TOP2A: variants seen among roughly 807,000 people sequenced by gnomAD.
TOP2A encodes DNA topoisomerase II alpha.
TOP2A carries 68 observed loss-of-function variants against 187.2 expected under a neutral mutation model. That is an observed-to-expected ratio of 0.36 (90% CI 0.30 to 0.44). The LOEUF is 0.44. TOP2A is among the 20% of genes least tolerant of loss of function. The pLI is 1.00. For synonymous variants in TOP2A, 542 were observed against 593.2 expected, an observed-to-expected ratio of 0.91 and a Z score of 1.25; for missense variants, 1,196 against 1,808.7, an observed-to-expected ratio of 0.66 and a Z score of 6.14.
rs756295402 is a variant in TOP2A, at chr17:40,411,410, G to A, written c.1009C>T (p.Leu337Phe). ...TTCTTCTTCTTCACAACATCAACAA[G>A]TTTAGTCACAATCTGATCAGCTACA... is the stretch of plus-strand genomic sequence containing the variant. Reference protein sequence around the residue: ...DYVADQIVTKLVDVVKKKNKG... With the variant: ...DYVADQIVTKFVDVVKKKNKG... Residue 337 changes from leucine (L) to phenylalanine (F), a missense_variant, in exon 9 of 35, where the codon CTT becomes TTT. Physicochemically the swap from Leu to Phe is conservative, Grantham distance 22. Transcript: ENST00000423485. The surrounding 1 kb of genome is among the most constrained non-coding windows in gnomAD (Gnocchi z 4.4). 3.1e-6 allele frequency: 5 copies of A among 1,613,778 alleles called. No individual in the cohort carries two copies. The Admixed American group carries it at 8.3e-5, about 27-fold the overall frequency.
rs1253865638 is a variant in TOP2A, at chr17:40,389,481, C to T, written c.*38G>A. 6.4e-7 allele frequency: 1 copy of T among 1,559,378 alleles called. No homozygotes were observed. The highest frequency in any genetic ancestry group is 1.9e-5 in the Admixed American group (1 of 51,728). Reference sequence around the variant, plus strand: ...AGGTAACTTTAAAACCAGTCTTGGGCTTGGTAAGATAATTACTTAAAATAA... The same window carrying T: ...AGGTAACTTTAAAACCAGTCTTGGGTTTGGTAAGATAATTACTTAAAATAA... On this transcript the variant is annotated 3_prime_UTR_variant, in exon 35 of 35. Transcript: ENST00000423485.
Position 40,413,614 on chromosome 17 carries a change from A to G in TOP2A, c.344T>C (p.Leu115Ser). 1 of 1,374,026 alleles carries G rather than the reference A, an allele frequency of 7.3e-7. No homozygotes were observed. The highest frequency in any genetic ancestry group is 9.8e-7 in the Non-Finnish European group (1 of 1,017,644). 85.1% of individuals were successfully genotyped at this position (1,374,026 alleles called of 1,614,324 possible). A position where few individuals can be genotyped will look rare whatever the true frequency, so the allele number is the denominator to read the frequency against. Reference protein sequence around the residue: ...IRVTIDPENNLISIWNNGKGI... With the variant: ...IRVTIDPENNSISIWNNGKGI... ...TTTTCCATTATTCCATATACTAATT[A>G]AATTGTTTTCCCTAAGAAAAAAAGA... is the stretch of plus-strand genomic sequence containing the variant. Residue 115 changes from leucine to serine, a missense_variant, in exon 5 of 35, where the codon TTA becomes TCA. Transcript: ENST00000423485.
chr17:40,393,852 T>C (rs1767150522), intron 29 of TOP2A, among the ~76,000 whole-genome samples: 1 of 152,072 alleles, frequency 6.6e-6, no homozygotes, highest in Admixed American at 6.5e-5. Flanking sequence ...GGTCAGGAGT[T>C]TGAGACCATC....
At chr17:40,408,702 A>G in intron 10 of TOP2A, 72 bp from the exon 11 acceptor site, 1 of 1,426,810 alleles carries the variant, frequency 7.0e-7, no homozygotes, top group Non-Finnish European at 9.9e-7. Flanking sequence ...TAGAATACAA[A>G]TGAGCCTTAA....
In TOP2A at chr17:40,405,220, G is replaced by A. The variant is rs544547345; in HGVS notation, c.1954-337C>T. On this transcript the variant is annotated intron_variant, in intron 16 of 34. Transcript: ENST00000423485. The stretch of plus-strand genomic sequence containing the variant: ...TTGTGGAATGTGATGGCACGATTTC[G>A]GCTCCCACAACCTCCACTTCCCAAG... Among the ~76,000 whole-genome samples the A allele has an allele frequency of 7.3e-5, 11 of 150,634 alleles. No homozygotes were observed. The South Asian group carries it at 1.0e-3, about 14-fold the overall frequency.
chr17:40,404,994 T>TC (rs1164132626), intron 16 of TOP2A, 111 bp from the exon 17 acceptor site: 1 of 631,952 alleles, frequency 1.6e-6, no homozygotes, highest in East Asian at 3.2e-5. Context: ...GTTTTCCTTT[T>TC]TTTTTTTTTT....
chr17:40,404,004 G>C (rs1311028858), intron 19 of TOP2A, 148 bp downstream of exon 19: 1 of 1,002,034 alleles, frequency 1.0e-6, no homozygotes, highest in African/African-American at 1.6e-5. Flanking sequence ...GAAATCAAAG[G>C]GCAAGCAGTT....
At chr17:40,417,714 AGAGAGATGCCCGGGCCGCGCG>A in intron 1 of TOP2A, 36 bp downstream of exon 1, 1 of 1,609,560 alleles carries the variant, frequency 6.2e-7, no homozygotes, top group Non-Finnish European at 8.5e-7. Flanking sequence ...ACGGGCGGCC[AGAGAGATGCCCGGGCCGCGCG>A]GAGGCTCCAC....
intron 4 of TOP2A, 58 bp downstream of exon 4, chr17:40,415,947 A>C: frequency 8.2e-7 from 1 of 1,212,460 alleles, no homozygotes; most frequent in Middle Eastern, 1.9e-4. Flanking sequence ...AGTAATCAAA[A>C]TACATGCAGC....
At chr17:40,400,489 T>C (rs943783502) in intron 22 of TOP2A, 40 bp downstream of exon 22, 20 of 1,601,710 alleles carry the variant, frequency 1.2e-5, no homozygotes, top group Non-Finnish European at 1.7e-5. Context: ...AGGTATTTCT[T>C]TTGATCACAA....
Position 40,416,816 on chromosome 17 carries a change from T to A in TOP2A, c.101A>T (p.Tyr34Phe). Residue 34 changes from tyrosine (Y) to phenylalanine (F), a missense_variant, in exon 2 of 35, where the codon TAT (tyrosine) becomes TTT (phenylalanine). This residue lies in a region of TOP2A where 97 missense variants were observed against 171.0 expected (regional missense o/e 0.57). Coordinates refer to ENST00000423485, the MANE Select transcript of TOP2A (RefSeq NM_001067.4). Reference protein sequence around the residue: ...AKKRLSVERIYQKKTQLEHIL... With the variant: ...AKKRLSVERIFQKKTQLEHIL... ...ATGTTCCAATTGTGTTTTCTTTTGA[T>A]AGATTCTTTCAACAGACAGTCTTTT... 6.2e-7 allele frequency: 1 copy of A among 1,613,286 alleles called. No individual in the cohort carries two copies. Among genetic ancestry groups the A allele is most frequent in the South Asian group, 1.1e-5 (1 of 90,862 alleles).
At chr17:40,399,611 T>TGCAA (rs1219871662) in intron 24 of TOP2A, among the ~76,000 whole-genome samples, 1 of 152,200 alleles carries the variant, frequency 6.6e-6, no homozygotes, top group Non-Finnish European at 1.5e-5. Context: ...AATCAGTTTA[T>TGCAA]GCAAGGTCTT....
At position 40,413,195 on chromosome 17, in the gene TOP2A, C is replaced by G. The variant is rs1200411904; in HGVS notation, c.576G>C (p.Gln192His). ...AGGTACAAGACACTTATTTACTTGC[C>G]TGTTTGAACATTTTCTTGTATTCTC... is the stretch of plus-strand genomic sequence containing the variant. ...ASREYKKMFK[Q>H]TWMDNMGRAG... The change falls in exon 6 of 35, where the codon CAG (glutamine) becomes CAC (histidine). Residue 192 changes from glutamine (Q) to histidine (H), a missense_variant and splice_region_variant. Gln to His is a conservative substitution (Grantham distance 24). This residue lies in a region of TOP2A where 252 missense variants were observed against 434.8 expected (regional missense o/e 0.58). Transcript: ENST00000423485. 6.4e-7 allele frequency: 1 copy of G among 1,552,704 alleles called. No individual in the cohort carries two copies. The highest frequency in any genetic ancestry group is 1.4e-5 in the African/African-American group (1 of 73,446).
At chr17:40,401,710 A>T (rs2035182889) in intron 20 of TOP2A, among the ~76,000 whole-genome samples, 1 of 152,112 alleles carries the variant, frequency 6.6e-6, no homozygotes, top group South Asian at 2.1e-4. Flanking sequence ...ACTCCATCTC[A>T]AAAGAAAAAA....
At chr17:40,394,617 G>A (rs1404023292) in intron 29 of TOP2A, among the ~76,000 whole-genome samples, 1 of 152,218 alleles carries the variant, frequency 6.6e-6, no homozygotes, top group Non-Finnish European at 1.5e-5. Flanking sequence ...ACAGGCATAA[G>A]CCATGGCGCC....
chr17:40,399,956 G>A lies in TOP2A; in HGVS notation c.3112C>T (p.Leu1038=). 2 of 1,613,300 alleles carry A rather than the reference G, an allele frequency of 1.2e-6. No individual in the cohort carries two copies. The highest frequency in any genetic ancestry group is 1.7e-6 in the Non-Finnish European group (2 of 1,179,648). The change falls in exon 24 of 35, where the codon CTA becomes TTA. Residue 1038 remains leucine (L), a synonymous_variant. Coordinates refer to ENST00000423485, the MANE Select transcript of TOP2A (RefSeq NM_001067.4). ...GCAGATTCAGCACCAAGCATTCCTA[G>A]GAGCCATTCTTTTCTTAATCCATAA... is the stretch of plus-strand genomic sequence containing the variant. ...KYYGLRKEWL[L]GMLGAESAKL...
intron 29 of TOP2A, among the ~76,000 whole-genome samples, chr17:40,394,065 C>CA (rs34089833): frequency 0.056 from 6,098 of 108,562 alleles, 210 homozygotes; most frequent in African/African-American, 0.1. Context: ...AACTCTGCCT[C>CA]AAAAAAAAAA....
At chr17:40,415,759 C>T (rs2035382419) in intron 4 of TOP2A, among the ~76,000 whole-genome samples, 1 of 151,906 alleles carries the variant, frequency 6.6e-6, no homozygotes, top group African/African-American at 2.4e-5. Context: ...CCAGCCCAGG[C>T]AAAATAGCAA....
chr17:40,413,348 ATTTC>A (rs2035347299), intron 5 of TOP2A, 56 bp from the exon 6 acceptor site: 1 of 1,465,992 alleles, frequency 6.8e-7, no homozygotes, highest in Non-Finnish European at 9.3e-7. Flanking sequence ...TGACAGCTTT[ATTTC>A]TTAATCACTG....
Sources: allele counts gnomAD v4.1 joint callset (sites outside exome capture counted in the v4.1 genomes callset), GRCh38; gene constraint gnomAD v4.1.1; regional missense constraint gnomAD v4.1.1; non-coding constraint Gnocchi (gnomAD v3.1); transcripts MANE v1.5; gene names NCBI Gene and HGNC (gene_info 2026-07-23, HGNC 2026-07-21).